Variants in RBMS3 observed in about 807,000 individuals in gnomAD.
RBMS3 encodes RNA binding motif single stranded interacting protein 3, also known as RNA-binding motif, single-stranded-interacting protein 3.
In RBMS3, 27 loss-of-function variants were observed where a neutral mutation model predicts 66.8. That is an observed-to-expected ratio of 0.40 (90% CI 0.30 to 0.56). The LOEUF (loss-of-function observed/expected upper bound fraction) is 0.56. Among genes scored for constraint, RBMS3 ranks in the 20% least tolerant of loss-of-function variants. The probability of loss-of-function intolerance (pLI) is 0.40; values close to 1 mark genes in which losing one functional copy is unlikely to be tolerated. For synonymous variants in RBMS3, 188 were observed against 183.0 expected, an observed-to-expected ratio of 1.03 and a Z score of -0.22; for missense variants, 513 against 549.5, an observed-to-expected ratio of 0.93 and a Z score of 0.66.
chr3:29,336,318 C>G (rs1051784587), intron 1 of RBMS3, among the ~76,000 whole-genome samples: 5 of 152,090 alleles, frequency 3.3e-5, no homozygotes, highest in African/African-American at 1.2e-4. Context: ...TATACCATGG[C>G]AGTTGTGTTT....
intron 8 of RBMS3, among the ~76,000 whole-genome samples, chr3:29,888,508 T>G (rs1038411446): frequency 2.0e-5 from 3 of 151,666 alleles, no homozygotes; most frequent in Non-Finnish European, 4.4e-5. Flanking sequence ...TTTTCTCACT[T>G]TCTTTCTTCT....
chr3:30,001,428 G>T (rs80322083), intron 14 of RBMS3, among the ~76,000 whole-genome samples: 13,204 of 151,946 alleles, frequency 0.087, 988 homozygotes, highest in South Asian at 0.18. Flanking sequence ...GGAGGAGTGA[G>T]GAGAGGATTC....
At chr3:29,713,926 G>A (rs9809200) in intron 4 of RBMS3, among the ~76,000 whole-genome samples, 2,061 of 151,982 alleles carry the variant, frequency 0.014, 43 homozygotes, top group African/African-American at 0.042. Flanking sequence ...ATGGTGGTGC[G>A]TGCCTGTAGT....
At chr3:29,348,436 G>T (rs978385039) in intron 1 of RBMS3, among the ~76,000 whole-genome samples, 1 of 152,078 alleles carries the variant, frequency 6.6e-6, no homozygotes, top group Non-Finnish European at 1.5e-5. Context: ...CATATAGTCA[G>T]ACAAAACACT....
At chr3:29,771,830 G>A (rs1417446916) in intron 6 of RBMS3, among the ~76,000 whole-genome samples, 2 of 151,918 alleles carry the variant, frequency 1.3e-5, no homozygotes, top group Non-Finnish European at 2.9e-5. Flanking sequence ...AGGAGGAGGT[G>A]CTACACACTT....
rs887865801 is a variant in RBMS3 at position 29,811,627 on chromosome 3, A to C, written c.637+48638A>C. On this transcript the variant is annotated intron_variant, in intron 6 of 14. Coordinates refer to ENST00000383767, the MANE Select transcript of RBMS3 (RefSeq NM_001003793.3). ...CTTCAAAACTTGTTCCCTCTCCCCC[A>C]TTATTCCCTCCAGTTTTTTTCTCTC... Among the ~76,000 whole-genome samples the C allele has an allele frequency of 6.6e-5, 10 of 152,102 alleles. No individual in the cohort carries two copies. The East Asian group carries it at 1.9e-3, about 29-fold the overall frequency.
chr3:29,467,197 A>T (rs2042573310), intron 2 of RBMS3, among the ~76,000 whole-genome samples: 1 of 152,194 alleles, frequency 6.6e-6, no homozygotes, highest in South Asian at 2.1e-4. Flanking sequence ...TTTCTGTATT[A>T]GCTATAGATT....
chr3:29,910,672 G>A (rs2060491936), intron 10 of RBMS3, among the ~76,000 whole-genome samples: 1 of 151,864 alleles, frequency 6.6e-6, no homozygotes, highest in Non-Finnish European at 1.5e-5. Context: ...ATTAGCATGA[G>A]GCTTGAGTTT....
intron 3 of RBMS3, among the ~76,000 whole-genome samples, chr3:29,555,641 T>A (rs2046332945): frequency 6.6e-6 from 1 of 152,156 alleles, no homozygotes; most frequent in African/African-American, 2.4e-5. Context: ...AGAATGTTTA[T>A]CCAGTAGCAA....
At chr3:29,511,321 G>A (rs993644213) in intron 3 of RBMS3, among the ~76,000 whole-genome samples, 1 of 152,118 alleles carries the variant, frequency 6.6e-6, no homozygotes, top group Non-Finnish European at 1.5e-5. Context: ...AATAAAAAAG[G>A]TTATTTTAAA....
chr3:29,302,163 C>T (rs1225387458), intron 1 of RBMS3, among the ~76,000 whole-genome samples: 1 of 151,872 alleles, frequency 6.6e-6, no homozygotes, highest in African/African-American at 2.4e-5. Flanking sequence ...GTGCATGCCA[C>T]CACATTCATC....
At chr3:29,712,640 G>C (rs1446003638) in intron 4 of RBMS3, among the ~76,000 whole-genome samples, 1 of 152,120 alleles carries the variant, frequency 6.6e-6, no homozygotes, top group Non-Finnish European at 1.5e-5. Flanking sequence ...AGTAGACTGA[G>C]TAAAGAAGAT....
At chr3:29,331,525 A>T (rs1196772036) in intron 1 of RBMS3, among the ~76,000 whole-genome samples, 2 of 151,922 alleles carry the variant, frequency 1.3e-5, no homozygotes, top group Admixed American at 1.3e-4. Flanking sequence ...TTATCCGGGG[A>T]GCACTTCTTT....
chr3:29,923,024 T>A (rs1315448883), intron 10 of RBMS3, among the ~76,000 whole-genome samples: 2 of 152,236 alleles, frequency 1.3e-5, no homozygotes. Flanking sequence ...CAGATGCTAT[T>A]GCTTCATTAT....
At chr3:29,487,869 A>C (rs1328301522) in intron 2 of RBMS3, among the ~76,000 whole-genome samples, 4 of 152,206 alleles carry the variant, frequency 2.6e-5, no homozygotes, top group African/African-American at 9.6e-5. Context: ...CCCAGGCTAA[A>C]TTAGGATTTG....
chr3:29,501,446 T>G (rs2148937321), intron 3 of RBMS3, among the ~76,000 whole-genome samples: 1 of 152,288 alleles, frequency 6.6e-6, no homozygotes, highest in East Asian at 1.9e-4. Flanking sequence ...AGTTTACAAG[T>G]GATCTTCTGT....
intron 12 of RBMS3, among the ~76,000 whole-genome samples, chr3:29,949,864 GC>G (rs1695560937): frequency 6.6e-6 from 1 of 151,698 alleles, no homozygotes; most frequent in South Asian, 2.1e-4. Context: ...CCTCTTGGCA[GC>G]CTTTAGAATC....
intron 1 of RBMS3, among the ~76,000 whole-genome samples, chr3:29,432,378 A>G (rs1426467953): frequency 2.6e-5 from 4 of 152,178 alleles, no homozygotes; most frequent in Non-Finnish European, 2.9e-5. Flanking sequence ...TGCATGTGAT[A>G]TACTGAATCT....
At chr3:29,769,117 T>A (rs141401812) in intron 6 of RBMS3, among the ~76,000 whole-genome samples, 181 of 152,036 alleles carry the variant, frequency 1.2e-3, no homozygotes, top group South Asian at 2.7e-3. Context: ...ATAGTAGGGT[T>A]AATGAAGGTG....
Sources: gnomAD v4.1 joint callset for allele counts (sites outside exome capture counted in the v4.1 genomes callset) on GRCh38, gnomAD v4.1.1 for gene constraint, MANE v1.5 for transcripts, NCBI Gene and HGNC (gene_info 2026-07-23, HGNC 2026-07-21) for gene names.